Variants in DTNBP1 observed in about 807,000 individuals in gnomAD.
DTNBP1 encodes the protein dystrobrevin binding protein 1.
Under a neutral mutation model 42.8 loss-of-function variants are expected in DTNBP1, and 35 were observed. That is an observed-to-expected ratio of 0.82 (90% CI 0.63 to 1.09). The LOEUF is 1.09. Ranked by LOEUF, DTNBP1 falls within the 50% of genes least tolerant of loss-of-function variation. DTNBP1 has a pLI of 0.00. For synonymous variants in DTNBP1, 171 were observed against 162.2 expected (o/e 1.05, Z -0.41); for missense variants, 457 against 424.2 (o/e 1.08, Z -0.68).
Position 15,585,847 on chromosome 6 carries a change from C to T in DTNBP1, c.511+7212G>A, listed in dbSNP as rs890183390. On this transcript the variant is annotated intron_variant, in intron 7 of 9. Transcript: ENST00000344537. ...ACCAGGCAGCTGCCCTCACGTGCAT[C>T]TTCTGGGATGTAGAACAAAGGAAGT... The T allele has an allele frequency of 5.4e-6, 8 of 1,480,244 alleles. 1 individual carries two copies. The African/African-American group carries it at 1.1e-4, about 21-fold the overall frequency. The allele number at this position is 1,480,244 out of a possible 1,614,324, so 91.7% of individuals were successfully genotyped here.
chr6:15,590,901 C>T (rs1220313187), intron 7 of DTNBP1, among the ~76,000 whole-genome samples: 2 of 152,036 alleles, frequency 1.3e-5, no homozygotes, highest in East Asian at 3.8e-4. Context: ...TAGTTTTCCC[C>T]CAATTTAGAA....
At chr6:15,579,995 C>A (rs1376982993) in intron 7 of DTNBP1, 2 of 234,736 alleles carry the variant, frequency 8.5e-6, no homozygotes, top group African/African-American at 2.3e-5. Flanking sequence ...CAAAACAATT[C>A]ATTTGAATAA....
chr6:15,614,879 C>A (rs1485986348), intron 6 of DTNBP1, among the ~76,000 whole-genome samples: 1 of 152,158 alleles, frequency 6.6e-6, no homozygotes, highest in Admixed American at 6.5e-5. Flanking sequence ...CCCTCCAGCC[C>A]CTTTCCACAG....
At chr6:15,564,890 G>A (rs565991039) in intron 7 of DTNBP1, among the ~76,000 whole-genome samples, 2 of 152,098 alleles carry the variant, frequency 1.3e-5, no homozygotes, top group Non-Finnish European at 2.9e-5. Flanking sequence ...CATGATGGGC[G>A]GCTCTCTTGA....
chr6:15,630,292 A>C (rs1288520951), intron 4 of DTNBP1, among the ~76,000 whole-genome samples: 1 of 152,204 alleles, frequency 6.6e-6, no homozygotes, highest in African/African-American at 2.4e-5. Flanking sequence ...AGATGAGAAA[A>C]CTAAGAGAGG....
At chr6:15,548,691 G>C (rs1330614899) in intron 7 of DTNBP1, among the ~76,000 whole-genome samples, 1 of 151,994 alleles carries the variant, frequency 6.6e-6, no homozygotes, top group Non-Finnish European at 1.5e-5. Flanking sequence ...TGTTACAAAA[G>C]AATCTTGAGA....
chr6:15,556,443 G>A (rs1774527189), intron 7 of DTNBP1, among the ~76,000 whole-genome samples: 1 of 152,190 alleles, frequency 6.6e-6, no homozygotes, highest in South Asian at 2.1e-4. Context: ...ACCTCCCAAA[G>A]TGCTGGGATT....
chr6:15,619,001 C>T (rs1758883615), intron 5 of DTNBP1, among the ~76,000 whole-genome samples: 1 of 152,148 alleles, frequency 6.6e-6, no homozygotes, highest in African/African-American at 2.4e-5. Context: ...TGTATGTTTT[C>T]ACCCACATGT....
chr6:15,606,671 G>A (rs955946062), intron 6 of DTNBP1, among the ~76,000 whole-genome samples: 6 of 152,066 alleles, frequency 3.9e-5, no homozygotes, highest in African/African-American at 1.2e-4. Flanking sequence ...GTTCTGGCCC[G>A]GATTTTTGGG....
intron 3 of DTNBP1, among the ~76,000 whole-genome samples, chr6:15,639,518 G>A (rs968972114): frequency 1.2e-4 from 18 of 152,148 alleles, no homozygotes; most frequent in African/African-American, 4.1e-4. Context: ...GAATAATCCA[G>A]GTGATACTAG....
chr6:15,577,447 C>T (rs527396545), intron 7 of DTNBP1, among the ~76,000 whole-genome samples: 67 of 152,298 alleles, frequency 4.4e-4, no homozygotes, highest in African/African-American at 1.2e-3. Flanking sequence ...CAGGAAGAAA[C>T]GGTGAGAGGC....
intron 4 of DTNBP1, 27 bp downstream of exon 4, chr6:15,637,717 C>T (rs373749149): frequency 2.7e-5 from 44 of 1,612,120 alleles, no homozygotes; most frequent in Middle Eastern, 3.3e-4. Flanking sequence ...AAGTTTGCCA[C>T]GAGTATAAGA....
intron 7 of DTNBP1, among the ~76,000 whole-genome samples, chr6:15,547,676 C>T (rs1044989960): frequency 6.6e-6 from 1 of 152,106 alleles, no homozygotes; most frequent in Non-Finnish European, 1.5e-5. Flanking sequence ...ACGGATAAGC[C>T]CCTTAAGGCA....
At chr6:15,634,353 G>A (rs1759876004) in intron 4 of DTNBP1, among the ~76,000 whole-genome samples, 1 of 152,052 alleles carries the variant, frequency 6.6e-6, no homozygotes. Flanking sequence ...GTCTTGCTCT[G>A]TTACCCAGCC....
rs569113082 is a variant in DTNBP1 at position 15,569,139 on chromosome 6, T to C, written c.511+23920A>G. Among the ~76,000 whole-genome samples the C allele has an allele frequency of 8.5e-5, 13 of 152,334 alleles. No homozygotes were observed. The South Asian group carries it at 2.1e-3, about 24-fold the overall frequency. On this transcript the variant is annotated intron_variant, in intron 7 of 9. Transcript: ENST00000344537. ...CACTTCCTTGTAACCAAAAGTCATA[T>C]AGCACTAGACACTGACCATCTGCCT...
chr6:15,605,963 G>GA lies in DTNBP1; in HGVS notation c.488+9303dup, dbSNP rs1758027334. Among the ~76,000 whole-genome samples, 6 of 152,312 alleles carry GA rather than the reference G, an allele frequency of 3.9e-5. No individual in the cohort carries two copies. In the South Asian group the frequency reaches 1.2e-3, roughly 32 times the overall value. ...TAACAGTAATATCATTTTACATGCA[G>GA]AAAAATATTTAGAAAAGCAATTTAT... is the stretch of plus-strand genomic sequence containing the variant. On this transcript the variant is annotated intron_variant, in intron 6 of 9. Transcript: ENST00000344537.
chr6:15,562,979 C>G (rs1192194942), intron 7 of DTNBP1, among the ~76,000 whole-genome samples: 1 of 152,224 alleles, frequency 6.6e-6, no homozygotes, highest in Non-Finnish European at 1.5e-5. Flanking sequence ...TAAAAGCCTT[C>G]CCTGAGACTA....
intron 7 of DTNBP1, among the ~76,000 whole-genome samples, chr6:15,557,235 T>TG (rs1231138154): frequency 9.3e-5 from 14 of 150,548 alleles, no homozygotes; most frequent in Non-Finnish European, 1.5e-4. Flanking sequence ...TAAGAAGGCA[T>TG]GGGGGTGGGA....
In DTNBP1 at chr6:15,627,415, C is replaced by T. The variant is rs144660230; in HGVS notation, c.283G>A (p.Val95Met). The T allele has an allele frequency of 5.7e-5, 92 of 1,613,956 alleles. No homozygotes were observed. The highest frequency in any genetic ancestry group is 2.7e-4 in the African/African-American group (20 of 75,022). Residue 95 changes from valine (V) to methionine (M), a missense_variant, in exon 5 of 10, where the codon GTG becomes ATG. Val to Met is a conservative substitution (Grantham distance 21). Transcript: ENST00000344537. ...AHWEKKKTSL[V>M]ELQEQLQQLP... ...TGCTGGAGCTGCTCTTGCAGCTCCA[C>T]GAGGCTTGTCTTTTTCTTCTCCCAG...
Sources: gnomAD v4.1 joint callset for allele counts (sites outside exome capture counted in the v4.1 genomes callset) on GRCh38, gnomAD v4.1.1 for gene constraint, MANE v1.5 for transcripts, NCBI Gene and HGNC (gene_info 2026-07-23, HGNC 2026-07-21) for gene names.